GALNT13: variants seen among roughly 807,000 people sequenced by gnomAD.
The protein encoded by GALNT13 is UDP-GalNAc:polypeptide N-acetylgalactosaminyltransferase 13.
A neutral mutation model predicts 64.2 loss-of-function variants in GALNT13; 28 were observed. The ratio of observed to expected loss-of-function variants is 0.44; its 90% CI spans 0.32 to 0.60. The LOEUF is 0.60. Among genes scored for constraint, GALNT13 ranks in the 20% least tolerant of loss-of-function variants. The pLI is 0.05. For synonymous variants in GALNT13, 214 were observed against 224.6 expected, an observed-to-expected ratio of 0.95 and a Z score of 0.42; for missense variants, 577 against 669.8, an observed-to-expected ratio of 0.86 and a Z score of 1.53.
At chr2:154,047,885 C>T (rs1354949286) in intron 3 of GALNT13, among the ~76,000 whole-genome samples, 2 of 152,074 alleles carry the variant, frequency 1.3e-5, no homozygotes, top group East Asian at 3.9e-4. Flanking sequence ...CCTACCAGAC[C>T]CCGGTAGCAC....
chr2:153,171,337 T>C, the GALNT13 span, among the ~76,000 whole-genome samples: 1 of 152,164 alleles, frequency 6.6e-6, no homozygotes. Context: ...CATTAGATAG[T>C]GAGCATTAGT....
At chr2:153,096,196 G>A in the GALNT13 span, among the ~76,000 whole-genome samples, 1 of 151,384 alleles carries the variant, frequency 6.6e-6, no homozygotes, top group Non-Finnish European at 1.5e-5. Context: ...TGTTATTCTA[G>A]TCTTATTCCA....
chr2:153,143,924 A>G, the GALNT13 span, among the ~76,000 whole-genome samples: 1 of 151,976 alleles, frequency 6.6e-6, no homozygotes, highest in African/African-American at 2.4e-5. Flanking sequence ...TGACAGGCAT[A>G]GATGTTTGCC....
chr2:153,425,530 GAAAT>G, the GALNT13 span, among the ~76,000 whole-genome samples: 1 of 151,688 alleles, frequency 6.6e-6, no homozygotes, highest in African/African-American at 2.4e-5. Context: ...TGATTTTATA[GAAAT>G]AAATATTAAA....
At chr2:153,208,690 T>G in the GALNT13 span, among the ~76,000 whole-genome samples, 1 of 152,200 alleles carries the variant, frequency 6.6e-6, no homozygotes, top group African/African-American at 2.4e-5. Flanking sequence ...GTAGGTTGTA[T>G]GATAAGTGTA....
chr2:153,149,031 A>G, the GALNT13 span, among the ~76,000 whole-genome samples: 11 of 151,952 alleles, frequency 7.2e-5, no homozygotes, highest in East Asian at 2.1e-3. Flanking sequence ...AAAGGCCAGG[A>G]CAGTCTTATG....
chr2:153,325,376 T>C, the GALNT13 span, among the ~76,000 whole-genome samples: 1 of 152,078 alleles, frequency 6.6e-6, no homozygotes, highest in Non-Finnish European at 1.5e-5. Flanking sequence ...GTCTGTTTGA[T>C]TCTTCTCTCT....
the GALNT13 span, among the ~76,000 whole-genome samples, chr2:153,241,247 G>T: frequency 6.6e-6 from 1 of 152,084 alleles, no homozygotes; most frequent in Admixed American, 6.5e-5. Flanking sequence ...TCCACTCTTC[G>T]TCTTGCCCAG....
At chr2:153,809,256 T>A in the GALNT13 span, among the ~76,000 whole-genome samples, 1 of 152,202 alleles carries the variant, frequency 6.6e-6, no homozygotes, top group African/African-American at 2.4e-5. Context: ...ATTTAGGATG[T>A]TTTCTCCAAC....
chr2:154,325,064 C>T (rs926066888), intron 9 of GALNT13, among the ~76,000 whole-genome samples: 2 of 151,952 alleles, frequency 1.3e-5, no homozygotes, highest in East Asian at 3.9e-4. Context: ...TAGCTGGAAT[C>T]TCTATCATCT....
the GALNT13 span, among the ~76,000 whole-genome samples, chr2:153,375,896 C>T: frequency 6.6e-6 from 1 of 152,180 alleles, no homozygotes; most frequent in Non-Finnish European, 1.5e-5. Context: ...GTGCCAGTGT[C>T]TGCTTCTGGT....
the GALNT13 span, among the ~76,000 whole-genome samples, chr2:153,611,353 G>A: frequency 3.9e-5 from 6 of 151,934 alleles, no homozygotes; most frequent in South Asian, 2.1e-4. Flanking sequence ...CTGCCCCCCC[G>A]TCCGCCTTTT....
At chr2:153,758,478 T>G in the GALNT13 span, among the ~76,000 whole-genome samples, 1 of 152,146 alleles carries the variant, frequency 6.6e-6, no homozygotes, top group South Asian at 2.1e-4. Flanking sequence ...AATTTGTACT[T>G]TTTTGTGGTT....
chr2:153,588,224 G>C, the GALNT13 span, among the ~76,000 whole-genome samples: 1 of 152,158 alleles, frequency 6.6e-6, no homozygotes, highest in Non-Finnish European at 1.5e-5. Context: ...TACTGTTCTG[G>C]AGTCTGGAGG....
intron 3 of GALNT13, among the ~76,000 whole-genome samples, chr2:153,986,625 C>A (rs771322279): frequency 1.3e-5 from 2 of 151,818 alleles, no homozygotes; most frequent in South Asian, 2.1e-4. Flanking sequence ...TCCCGATCAC[C>A]GTGACAAGAT....
At chr2:153,103,850 C>A in the GALNT13 span, among the ~76,000 whole-genome samples, 30 of 152,198 alleles carry the variant, frequency 2.0e-4, no homozygotes, top group African/African-American at 5.1e-4. Context: ...GAAATCTGGT[C>A]TCTACTGCCC....
intron 3 of GALNT13, among the ~76,000 whole-genome samples, chr2:153,946,691 C>A (rs776645009): frequency 5.1e-5 from 5 of 98,464 alleles, no homozygotes; most frequent in Non-Finnish European, 1.4e-4. Context: ...GACTTAATCA[C>A]CCCCCAAAGG....
rs149482889 is a variant in GALNT13 at position 154,287,656 on chromosome 2, A to G, written c.976-13753A>G. 1.3e-3 allele frequency among the ~76,000 whole-genome samples: 196 copies of G among 151,660 alleles called. 4 individuals carry two copies. The East Asian group carries it at 0.034, about 26-fold the overall frequency. On this transcript the variant is annotated intron_variant, in intron 8 of 12. Coordinates refer to ENST00000392825, the MANE Select transcript of GALNT13 (RefSeq NM_052917.4). ...TGTTTGGTGTTTTCTAATATTTCCT[A>G]TCTCCGTTTTAACGTTCAGTTTGCT...
At chr2:153,743,781 A>AT in the GALNT13 span, among the ~76,000 whole-genome samples, 2 of 151,972 alleles carry the variant, frequency 1.3e-5, no homozygotes, top group African/African-American at 2.4e-5. Flanking sequence ...CATTCTTTCT[A>AT]TTTTTTGTAC....
Sources: allele counts gnomAD v4.1 joint callset (sites outside exome capture counted in the v4.1 genomes callset), GRCh38; gene constraint gnomAD v4.1.1; transcripts MANE v1.5; gene names NCBI Gene and HGNC (gene_info 2026-07-23, HGNC 2026-07-21).